The following POLR3B variants were observed in gnomAD, a reference collection of about 807,000 sequenced individuals.
The protein encoded by POLR3B is RNA polymerase III subunit B, also known as DNA-directed RNA polymerase III subunit RPC2.
A neutral mutation model predicts 147.4 loss-of-function variants in POLR3B; 96 were observed. The ratio of observed to expected loss-of-function variants is 0.65; its 90% confidence interval spans 0.55 to 0.77. POLR3B has a LOEUF of 0.77. Ranked by LOEUF, POLR3B falls within the 30% of genes least tolerant of loss-of-function variation. POLR3B has a pLI of 0.00. For synonymous variants in POLR3B, 461 were observed against 485.9 expected (o/e 0.95, Z 0.67); for missense variants, 1,036 against 1,413.5 (o/e 0.73, Z 4.28).
chr12:106,419,794 C>CTTTTTTTTTTTTTTT (rs56756383), intron 12 of POLR3B, among the ~76,000 whole-genome samples: 1 of 88,954 alleles, frequency 1.1e-5, no homozygotes, highest in Non-Finnish European at 2.0e-5. Context: ...TTTAGTTTTG[C>CTTTTTTTTTTTTTTT]TTTTTTTTTT....
chr12:106,497,790 A>ATTATTT (rs1375234307), intron 25 of POLR3B, among the ~76,000 whole-genome samples: 1 of 152,228 alleles, frequency 6.6e-6, no homozygotes, highest in Non-Finnish European at 1.5e-5. Flanking sequence ...TTAAAAAATA[A>ATTATTT]TAGACACAAG....
At chr12:106,428,470 A>G (rs989179718) in intron 13 of POLR3B, among the ~76,000 whole-genome samples, 1 of 151,976 alleles carries the variant, frequency 6.6e-6, no homozygotes, top group East Asian at 1.9e-4. Context: ...TACCAAATAC[A>G]TTTTTCTCAA....
intron 19 of POLR3B, among the ~76,000 whole-genome samples, chr12:106,448,387 G>GCCA (rs1270372124): frequency 1.4e-5 from 2 of 139,384 alleles, no homozygotes; most frequent in Non-Finnish European, 3.1e-5. Context: ...AAATAATGTT[G>GCCA]CCACTTACTG....
intron 6 of POLR3B, among the ~76,000 whole-genome samples, chr12:106,373,134 G>T (rs2036633191): frequency 6.6e-6 from 1 of 152,124 alleles, no homozygotes; most frequent in African/African-American, 2.4e-5. Context: ...TAGACGTTTT[G>T]TATCAGCATT....
At chr12:106,376,334 T>C in intron 6 of POLR3B, 25 bp from the exon 7 acceptor site, 3 of 1,522,646 alleles carry the variant, frequency 2.0e-6, no homozygotes, top group Non-Finnish European at 2.7e-6. Flanking sequence ...ACATGTGATA[T>C]TTTCTTTTGT....
Position 106,488,380 on chromosome 12 carries a change from CCTT to C in POLR3B, c.2714-7672_2714-7670del, listed in dbSNP as rs1408221932. 5.3e-5 allele frequency among the ~76,000 whole-genome samples: 8 copies of C among 152,296 alleles called. No individual in the cohort carries two copies. The East Asian group carries it at 1.3e-3, about 26-fold the overall frequency. On this transcript the variant is annotated intron_variant, in intron 23 of 27. Transcript: ENST00000228347. ...CCAAGGTGAAATGATTTAGTAATAA[CCTT>C]CTATACATCAAAGTTGTGAATTTGT...
intron 1 of POLR3B, among the ~76,000 whole-genome samples, chr12:106,359,631 A>G (rs904052995): frequency 1.3e-5 from 2 of 152,188 alleles, no homozygotes; most frequent in African/African-American, 4.8e-5. Context: ...GCCCGGCTGC[A>G]AAACTGTATT....
chr12:106,479,078 A>G (rs2038224679), intron 23 of POLR3B, among the ~76,000 whole-genome samples: 2 of 151,374 alleles, frequency 1.3e-5, no homozygotes, highest in African/African-American at 4.9e-5. Context: ...CTCTTCTTTC[A>G]TTCCTTGTGC....
At position 106,357,750 on chromosome 12, in the gene POLR3B, C is replaced by T; in HGVS notation, c.-130C>T. ...AGCGGGCGGAACCTTTCTACCGCGT[C>T]TCTAGCTAACACGCACGGCGGGGAC... On this transcript the variant is annotated 5_prime_UTR_variant, in exon 1 of 28. Transcript: ENST00000228347. The T allele has an allele frequency of 1.1e-6, 1 of 935,386 alleles. No individual in the cohort carries two copies. The highest frequency in any genetic ancestry group is 1.7e-6 in the Non-Finnish European group (1 of 592,468). 57.9% of individuals were successfully genotyped at this position (935,386 alleles called of 1,614,324 possible). A position where few individuals can be genotyped will look rare whatever the true frequency, so the allele number is the denominator to read the frequency against.
At chr12:106,406,060 TTAAAGTCCAATTCCTCAAGAGAAAATTC>T in intron 11 of POLR3B, 84 bp downstream of exon 11, 1 of 1,465,030 alleles carries the variant, frequency 6.8e-7, no homozygotes, top group Middle Eastern at 1.8e-4. Flanking sequence ...TTTACCTTAT[TTAAAGTCCAATTCCTCAAGAGAAAATTC>T]TAAAGAGGAC....
At chr12:106,436,240 T>A (rs965609146) in intron 16 of POLR3B, among the ~76,000 whole-genome samples, 6 of 152,194 alleles carry the variant, frequency 3.9e-5, no homozygotes, top group African/African-American at 1.4e-4. Context: ...GGTGGTTACT[T>A]GCTCCTCTCT....
chr12:106,487,065 CT>C, intron 23 of POLR3B, among the ~76,000 whole-genome samples: 1 of 152,208 alleles, frequency 6.6e-6, no homozygotes. Flanking sequence ...TAACCCAGCG[CT>C]TAGTGTGGGC....
At position 106,505,978 on chromosome 12, in the gene POLR3B, C is replaced by T. The variant is rs1050623125; in HGVS notation, c.3272+1724C>T. Among the ~76,000 whole-genome samples the T allele has an allele frequency of 3.3e-5, 5 of 152,162 alleles. No individual in the cohort carries two copies. The South Asian group carries it at 1.0e-3, about 32-fold the overall frequency. On this transcript the variant is annotated intron_variant, in intron 27 of 27. Coordinates refer to ENST00000228347, the MANE Select transcript of POLR3B (RefSeq NM_018082.6). ...TTATTTCATGATTTTGGTGAAGACT[C>T]TCGTCTGTAAGGAGATCATTTCACT... is the stretch of plus-strand genomic sequence containing the variant.
At chr12:106,373,705 G>A (rs2036639762) in intron 6 of POLR3B, among the ~76,000 whole-genome samples, 1 of 151,980 alleles carries the variant, frequency 6.6e-6, no homozygotes, top group Non-Finnish European at 1.5e-5. Context: ...AGTGAGCCGA[G>A]ATTGTGCCAC....
chr12:106,396,100 G>T (rs2036975078), intron 10 of POLR3B, among the ~76,000 whole-genome samples: 1 of 152,142 alleles, frequency 6.6e-6, no homozygotes, highest in African/African-American at 2.4e-5. Context: ...ACTAGCTGTA[G>T]CGGGGGATAG....
At chr12:106,482,652 C>T (rs1353950910) in intron 23 of POLR3B, among the ~76,000 whole-genome samples, 1 of 152,062 alleles carries the variant, frequency 6.6e-6, no homozygotes, top group African/African-American at 2.4e-5. Context: ...GGATTTGACA[C>T]GAGATTTGGG....
At chr12:106,359,575 C>T (rs1447948550) in intron 1 of POLR3B, among the ~76,000 whole-genome samples, 4 of 152,006 alleles carry the variant, frequency 2.6e-5, no homozygotes, top group South Asian at 4.2e-4. Flanking sequence ...CGTGATCCAC[C>T]GCCTCGGCCT....
rs1472823025 is a variant in POLR3B, at chr12:106,509,624, A to G, written c.*75A>G. On this transcript the variant is annotated 3_prime_UTR_variant, in exon 28 of 28. Transcript: ENST00000228347. The stretch of plus-strand genomic sequence containing the variant: ...CGGAAAGCAGAAGGGATTTAGGACT[A>G]CGTCTCCTCCTGTGAAGAATTCCCT... The G allele has an allele frequency of 2.3e-5, 30 of 1,331,722 alleles. No individual in the cohort carries two copies. Among genetic ancestry groups the G allele is most frequent in the Admixed American group, 6.9e-5 (4 of 58,044 alleles). The allele number at this position is 1,331,722 out of a possible 1,614,324, so 82.5% of individuals were successfully genotyped here. A position where few individuals can be genotyped will look rare whatever the true frequency, so the allele number is the denominator to read the frequency against.
intron 22 of POLR3B, among the ~76,000 whole-genome samples, chr12:106,460,225 A>AC (rs1203713261): frequency 2.6e-5 from 4 of 152,114 alleles, no homozygotes; most frequent in Admixed American, 2.0e-4. Flanking sequence ...GTTGGCAAAG[A>AC]CCCCCACACA....
Sources: gnomAD v4.1 joint callset for allele counts (sites outside exome capture counted in the v4.1 genomes callset) on GRCh38, gnomAD v4.1.1 for gene constraint, MANE v1.5 for transcripts, NCBI Gene and HGNC (gene_info 2026-07-23, HGNC 2026-07-21) for gene names.